SGSM2: variants seen among roughly 807,000 people sequenced by gnomAD.
The protein encoded by SGSM2 is RUN and TBC1 domain containing 1.
In SGSM2, 89 loss-of-function variants were observed where a neutral mutation model predicts 126.6. The observed-to-expected ratio is 0.70, with a 90% CI of 0.59 to 0.84. SGSM2 has a LOEUF of 0.84. SGSM2 is among the 40% of genes least tolerant of loss of function. The pLI, the probability that SGSM2 is intolerant of heterozygous loss-of-function variation, is 0.00. For synonymous variants in SGSM2, 614 were observed against 574.3 expected (o/e 1.07, Z -0.99); for missense variants, 1,404 against 1,416.6 (o/e 0.99, Z 0.14).
At chr17:2,350,507 G>A (rs1350498172) in intron 2 of SGSM2, among the ~76,000 whole-genome samples, 2 of 151,974 alleles carry the variant, frequency 1.3e-5, no homozygotes, top group African/African-American at 2.4e-5. Context: ...CTGCTGGGGA[G>A]GCTGAGGCAG....
At chr17:2,348,228 G>A (rs1048031183) in intron 2 of SGSM2, among the ~76,000 whole-genome samples, 1 of 152,124 alleles carries the variant, frequency 6.6e-6, no homozygotes, top group Non-Finnish European at 1.5e-5. Flanking sequence ...CTCTCCCCTG[G>A]GATATTGCAG....
At chr17:2,353,485 G>A (rs1021278838) in intron 2 of SGSM2, among the ~76,000 whole-genome samples, 3 of 152,094 alleles carry the variant, frequency 2.0e-5, no homozygotes, top group East Asian at 1.9e-4. Flanking sequence ...CAGTGGGGCC[G>A]GGCACATTGG....
chr17:2,363,840 C>A lies in SGSM2; in HGVS notation c.808-219C>A. ...GTGGGTATGGCTGGCCTGGAATGGACCTGGCATCCAGGAGGCTGGCAGGAG... is the reference window on the plus strand; with the variant it reads ...GTGGGTATGGCTGGCCTGGAATGGAACTGGCATCCAGGAGGCTGGCAGGAG... On this transcript the variant is annotated intron_variant, in intron 7 of 23. Transcript: ENST00000268989. The surrounding 1 kb of genome is among the most constrained non-coding windows in gnomAD (Gnocchi z 4.2). 1.3e-6 allele frequency: 1 copy of A among 784,990 alleles called. No individual in the cohort carries two copies. The allele number at this position is 784,990 out of a possible 1,614,324, so 48.6% of individuals were successfully genotyped here. A position where few individuals can be genotyped will look rare whatever the true frequency, so the allele number is the denominator to read the frequency against.
At chr17:2,346,686 G>A (rs530711509) in intron 2 of SGSM2, among the ~76,000 whole-genome samples, 2 of 152,116 alleles carry the variant, frequency 1.3e-5, no homozygotes, top group African/African-American at 4.8e-5. Flanking sequence ...GCGGCAGCAG[G>A]GGGGTGGGTG....
rs1395583795 is a variant in SGSM2, at chr17:2,362,336, G to A, written c.458+66G>A. ...GTTCCCCCCAAAACTGCAGGTGACC[G>A]CCCCGTTCCCCAAAAACTGCAGGTG... On this transcript the variant is annotated intron_variant, in intron 4 of 23. Coordinates refer to ENST00000268989, the MANE Select transcript of SGSM2 (RefSeq NM_014853.3). The surrounding 1 kb of genome is among the most constrained non-coding windows in gnomAD (Gnocchi z 4.9). The A allele has an allele frequency of 2.6e-5, 36 of 1,404,668 alleles. No individual in the cohort carries two copies. Among genetic ancestry groups the A allele is most frequent in the East Asian group, 5.1e-5 (2 of 39,146 alleles). The allele number at this position is 1,404,668 out of a possible 1,614,324, so 87.0% of individuals were successfully genotyped here.
chr17:2,340,821 T>G (rs2064333814), intron 1 of SGSM2, among the ~76,000 whole-genome samples: 1 of 151,984 alleles, frequency 6.6e-6, no homozygotes, highest in Admixed American at 6.6e-5. Flanking sequence ...CCTGACCTCG[T>G]GATCCGCCCA....
Position 2,362,179 on chromosome 17 carries a change from A to C in SGSM2, c.367A>C (p.Ser123Arg). Residue 123 changes from serine (S) to arginine (R), a missense_variant, in exon 4 of 24, where the codon AGC becomes CGC. Physicochemically the swap from Ser to Arg is moderately radical, Grantham distance 110. Transcript: ENST00000268989. The surrounding 1 kb of genome is among the most constrained non-coding windows in gnomAD (Gnocchi z 4.9). ...AGCCAGCGGGAAGGCCCCGGCCCTC[A>C]GCCCTCAGGCCTTGAAACACGTATG... The part of the protein sequence containing the change: ...GSASGKAPAL[S>R]PQALKHVWVR... 6.2e-7 allele frequency: 1 copy of C among 1,614,062 alleles called. No homozygotes were observed. Among genetic ancestry groups the C allele is most frequent in the Non-Finnish European group, 8.5e-7 (1 of 1,180,024 alleles).
Position 2,367,462 on chromosome 17 carries a change from G to A in SGSM2, c.1423+57G>A, listed in dbSNP as rs575609377. On this transcript the variant is annotated intron_variant, in intron 12 of 23. Transcript: ENST00000268989. The surrounding 1 kb of genome is among the most constrained non-coding windows in gnomAD (Gnocchi z 4.0). ...CATCCCCACCCTCCCTCCCGGGCCC[G>A]CCTGCCACCCACCACAGGGGTTCGA... 19 of 1,406,566 alleles carry A rather than the reference G, an allele frequency of 1.4e-5. No homozygotes were observed. The African/African-American group carries it at 2.4e-4, about 17-fold the overall frequency. 87.1% of individuals were successfully genotyped at this position (1,406,566 alleles called of 1,614,324 possible). A position where few individuals can be genotyped will look rare whatever the true frequency, so the allele number is the denominator to read the frequency against.
Position 2,380,317 on chromosome 17 carries a change from C to G in SGSM2, c.*797C>G. On this transcript the variant is annotated 3_prime_UTR_variant, in exon 24 of 24. Transcript: ENST00000268989. ...AGTGATGCTTTTGCCAGTGGATGAT[C>G]TGGAATGCGACCGGAGCACTTGCTC... 6.5e-7 allele frequency: 1 copy of G among 1,535,486 alleles called. No individual in the cohort carries two copies. Among genetic ancestry groups the G allele is most frequent in the Non-Finnish European group, 8.7e-7 (1 of 1,146,540 alleles).
intron 1 of SGSM2, among the ~76,000 whole-genome samples, 179 bp from the exon 2 acceptor site, chr17:2,343,366 G>C (rs2064461627): frequency 6.6e-6 from 1 of 152,168 alleles, no homozygotes; most frequent in South Asian, 2.1e-4. Flanking sequence ...CCCTCCAAAA[G>C]ACTGGAATCA....
chr17:2,347,107 A>G (rs985466037), intron 2 of SGSM2, among the ~76,000 whole-genome samples: 5 of 151,908 alleles, frequency 3.3e-5, no homozygotes, highest in South Asian at 2.1e-4. Flanking sequence ...TTGTTTGTTT[A>G]TTTATTTATT....
Position 2,376,130 on chromosome 17 carries a change from C to T in SGSM2, c.2485-7C>T. On this transcript the variant is annotated splice_polypyrimidine_tract_variant and splice_region_variant and intron_variant, in intron 18 of 23. Coordinates refer to ENST00000268989, the MANE Select transcript of SGSM2 (RefSeq NM_014853.3). ...GTCTCATGCCTGAGGGCCCTCCACTCTTCCAGATAGAATTACTGGACACTG... is the reference window on the plus strand; with the variant it reads ...GTCTCATGCCTGAGGGCCCTCCACTTTTCCAGATAGAATTACTGGACACTG... 4 of 1,614,052 alleles carry T rather than the reference C, an allele frequency of 2.5e-6. No individual in the cohort carries two copies. The highest frequency in any genetic ancestry group is 3.4e-6 in the Non-Finnish European group (4 of 1,179,998).
At chr17:2,375,929 T>C (rs2066121709) in intron 18 of SGSM2, 54 bp downstream of exon 18, 3 of 1,512,368 alleles carry the variant, frequency 2.0e-6, no homozygotes, top group Non-Finnish European at 2.6e-6. Flanking sequence ...CCTCCTGACA[T>C]CCCAGAGCTG....
At chr17:2,378,780 G>A (rs763937062) in intron 22 of SGSM2, among the ~76,000 whole-genome samples, 4 of 152,202 alleles carry the variant, frequency 2.6e-5, no homozygotes, top group South Asian at 2.1e-4. Context: ...GCCTTGGTAC[G>A]GGGTACAGAA....
intron 1 of SGSM2, among the ~76,000 whole-genome samples, chr17:2,338,756 T>C (rs114680619): frequency 7.4e-6 from 1 of 136,050 alleles, no homozygotes; most frequent in Admixed American, 7.6e-5. Context: ...TGACCTTGAG[T>C]CTCTATGCCG....
chr17:2,358,476 G>A (rs1187303751), intron 2 of SGSM2, among the ~76,000 whole-genome samples: 4 of 152,290 alleles, frequency 2.6e-5, no homozygotes, highest in Non-Finnish European at 5.9e-5. Flanking sequence ...TTGGAAGGCT[G>A]AGGTGGAAGG....
chr17:2,364,319 G>A (rs1298931308), intron 8 of SGSM2, 136 bp downstream of exon 8: 22 of 1,191,350 alleles, frequency 1.8e-5, no homozygotes, highest in Admixed American at 4.2e-5. Context: ...AGCAGGGAGC[G>A]GCTGCCTGGA....
Position 2,361,627 on chromosome 17 carries a change from T to C in SGSM2, c.134-10T>C, listed in dbSNP as rs760247796. The C allele has an allele frequency of 1.2e-6, 2 of 1,613,080 alleles. No individual in the cohort carries two copies. Among genetic ancestry groups the C allele is most frequent in the Non-Finnish European group, 1.7e-6 (2 of 1,179,782 alleles). On this transcript the variant is annotated splice_polypyrimidine_tract_variant and intron_variant, in intron 2 of 23. Transcript: ENST00000268989. ...CCCAGGCTCAGATGCCGTTTCCCTT[T>C]GTGGCCTAGGTGCAGTGGAGGCTTG...
intron 1 of SGSM2, among the ~76,000 whole-genome samples, chr17:2,338,160 G>A (rs910715540): frequency 1.3e-5 from 2 of 152,194 alleles, no homozygotes; most frequent in South Asian, 2.1e-4. Context: ...GCTTCCCCAC[G>A]TCCTAAGTGG....
Sources: gnomAD v4.1 joint callset for allele counts (sites outside exome capture counted in the v4.1 genomes callset) on GRCh38, gnomAD v4.1.1 for gene constraint, Gnocchi (gnomAD v3.1) non-coding constraint, MANE v1.5 for transcripts, NCBI Gene and HGNC (gene_info 2026-07-23, HGNC 2026-07-21) for gene names.